NEDD9: variants seen among roughly 807,000 people sequenced by gnomAD.
The protein encoded by NEDD9 is neural precursor cell expressed, developmentally down-regulated 9, also known as enhancer of filamentation 1.
NEDD9 carries 26 observed loss-of-function variants against 76.6 expected under a neutral mutation model. The ratio of observed to expected loss-of-function variants is 0.34; its 90% confidence interval spans 0.25 to 0.47. The LOEUF (loss-of-function observed/expected upper bound fraction) is 0.47, where lower values mean the gene tolerates loss of function less well. NEDD9 is among the 20% of genes least tolerant of loss of function. The probability of loss-of-function intolerance (pLI) is 1.00; values close to 1 mark genes in which losing one functional copy is unlikely to be tolerated. For missense variants in NEDD9, 937 were observed against 1,058.5 expected (o/e 0.89, Z 1.59); for synonymous variants, 392 against 414.2 (o/e 0.95, Z 0.65).
intron 2 of NEDD9, among the ~76,000 whole-genome samples, chr6:11,314,323 G>A (rs1761475892): frequency 6.6e-6 from 1 of 152,156 alleles, no homozygotes; most frequent in Admixed American, 6.5e-5. Context: ...TGAGGACGTA[G>A]GATGAAGAAG....
chr6:11,314,160 G>A (rs2113448363), intron 2 of NEDD9, among the ~76,000 whole-genome samples: 1 of 152,292 alleles, frequency 6.6e-6, no homozygotes, highest in East Asian at 1.9e-4. Flanking sequence ...TTAGAAGTAT[G>A]CTCACTGTCC....
chr6:11,335,551 G>A (rs1041511447), intron 1 of NEDD9, among the ~76,000 whole-genome samples: 1 of 152,172 alleles, frequency 6.6e-6, no homozygotes, highest in African/African-American at 2.4e-5. Flanking sequence ...GGGCTACAAA[G>A]TTTTGCCTCA....
intron 1 of NEDD9, among the ~76,000 whole-genome samples, chr6:11,228,181 G>A (rs72827148): frequency 0.018 from 2,707 of 152,104 alleles, 33 homozygotes; most frequent in South Asian, 0.042. Flanking sequence ...CTGAAAAGAA[G>A]AAGAAGAAGA....
chr6:11,232,441 A>T (rs933262902), intron 1 of NEDD9, 63 bp downstream of exon 1: 8 of 1,603,574 alleles, frequency 5.0e-6, no homozygotes, highest in Non-Finnish European at 6.8e-6. Flanking sequence ...ACGCATACAC[A>T]AGCACACACC....
intron 3 of NEDD9, among the ~76,000 whole-genome samples, chr6:11,292,258 A>G (rs1233193338): frequency 6.6e-6 from 1 of 152,196 alleles, no homozygotes; most frequent in Admixed American, 6.5e-5. Flanking sequence ...AATCAAGAAA[A>G]GCGTCTGGTA....
At chr6:11,371,099 C>G (rs544321449) in intron 1 of NEDD9, among the ~76,000 whole-genome samples, 1 of 152,004 alleles carries the variant, frequency 6.6e-6, no homozygotes, top group African/African-American at 2.4e-5. Flanking sequence ...CCACTTAGCT[C>G]CTTTTAAAAA....
At chr6:11,207,728 G>A (rs1758653280) in intron 2 of NEDD9, among the ~76,000 whole-genome samples, 1 of 152,212 alleles carries the variant, frequency 6.6e-6, no homozygotes, top group South Asian at 2.1e-4. Flanking sequence ...GGACCATAGG[G>A]AAGGGAGAAA....
Position 11,319,658 on chromosome 6 carries a change from ACACT to A in NEDD9, c.-152-13507_-152-13504del, listed in dbSNP as rs201015052. On this transcript the variant is annotated intron_variant, in intron 2 of 3. Transcript: ENST00000397378. ...TAACATGCACACTCACACATGCCAC[ACACT>A]AACATGCACACATACACAAACATGG... is the stretch of plus-strand genomic sequence containing the variant. Among the ~76,000 whole-genome samples, 1,077 of 148,676 alleles carry A rather than the reference ACACT, an allele frequency of 7.2e-3. 9 individuals carry two copies. Among genetic ancestry groups the A allele is most frequent in the East Asian group, 0.055 (273 of 5,002 alleles).
chr6:11,252,924 C>A lies in NEDD9; in HGVS notation c.13-39197G>T, dbSNP rs897552655. 6.6e-6 allele frequency among the ~76,000 whole-genome samples: 1 copy of A among 151,960 alleles called. No individual in the cohort carries two copies. The highest frequency in any genetic ancestry group is 6.6e-5 in the Admixed American group (1 of 15,260). On this transcript the variant is annotated intron_variant, in intron 3 of 3. Coordinates refer to the NEDD9 transcript ENST00000397378. The surrounding 1 kb of genome is among the most constrained non-coding windows in gnomAD (Gnocchi z 4.3). ...TTCTCCTAAACTTCAAACAAGAAAT[C>A]ATTCTTTTGGGAAAATTGGGCTTGT...
intron 1 of NEDD9, among the ~76,000 whole-genome samples, chr6:11,224,175 G>A (rs529597325): frequency 8.5e-5 from 13 of 152,280 alleles, no homozygotes; most frequent in Admixed American, 2.0e-4. Context: ...TTCGGATTTG[G>A]GAGAAAAAGA....
Position 11,336,278 on chromosome 6 carries a change from A to G in NEDD9, c.-213-1717T>C, listed in dbSNP as rs956648125. Among the ~76,000 whole-genome samples the G allele has an allele frequency of 9.2e-5, 14 of 152,362 alleles. No individual in the cohort carries two copies. The South Asian group carries it at 1.0e-3, about 11-fold the overall frequency. ...GATGGGGACGTGTTCTGAGAAATGC[A>G]TTGTTAGATGATTTTGTAATTGTAC... is the stretch of plus-strand genomic sequence containing the variant. On this transcript the variant is annotated intron_variant, in intron 1 of 3. Transcript: ENST00000397378.
rs376501953 is a variant in NEDD9, at chr6:11,190,793, C to T, written c.1076G>A (p.Arg359Gln). 5.5e-5 allele frequency: 89 copies of T among 1,614,016 alleles called. No individual in the cohort carries two copies. In the African/African-American group the frequency reaches 8.1e-4, roughly 15 times the overall value. Reference protein sequence around the residue: ...LHNPPDAKGSRDLVDGINRLS... With the variant: ...LHNPPDAKGSQDLVDGINRLS... Reference sequence around the variant, plus strand: ...TCGGTTGATCCCATCCACCAAGTCCCGAGAGCCTTTAGCATCTGGCGGGTT... The same window carrying T: ...TCGGTTGATCCCATCCACCAAGTCCTGAGAGCCTTTAGCATCTGGCGGGTT... The change falls in exon 5 of 7, where the codon CGG becomes CAG. Residue 359 changes from arginine (R) to glutamine (Q), a missense_variant. Coordinates refer to ENST00000379446, the MANE Select transcript of NEDD9 (RefSeq NM_006403.4). The surrounding 1 kb of genome is among the most constrained non-coding windows in gnomAD (Gnocchi z 5.8).
chr6:11,299,163 G>A (rs1760976974), intron 3 of NEDD9, among the ~76,000 whole-genome samples: 1 of 151,180 alleles, frequency 6.6e-6, no homozygotes, highest in African/African-American at 2.4e-5. Flanking sequence ...CACAGTCTTA[G>A]CAACCAGCAG....
chr6:11,212,709 C>T (rs915852232), intron 2 of NEDD9, among the ~76,000 whole-genome samples: 1 of 152,170 alleles, frequency 6.6e-6, no homozygotes, highest in African/African-American at 2.4e-5. Flanking sequence ...GGCTTCATTC[C>T]AATTCCACTA....
intron 3 of NEDD9, among the ~76,000 whole-genome samples, chr6:11,300,020 T>A (rs1761001948): frequency 6.6e-6 from 1 of 152,216 alleles, no homozygotes; most frequent in African/African-American, 2.4e-5. Flanking sequence ...TTTGATGAGT[T>A]GACAGAAGTT....
chr6:11,340,157 T>G (rs1281978652), intron 1 of NEDD9, among the ~76,000 whole-genome samples: 3 of 152,214 alleles, frequency 2.0e-5, no homozygotes, highest in African/African-American at 7.2e-5. Flanking sequence ...GAATAACGCC[T>G]CAGCCTTCCC....
intron 3 of NEDD9, among the ~76,000 whole-genome samples, chr6:11,283,396 A>AGGGT (rs1425169636): frequency 1.3e-5 from 2 of 152,148 alleles, no homozygotes; most frequent in Non-Finnish European, 2.9e-5. Flanking sequence ...CCATGGTGAG[A>AGGGT]GGGTGGTCAG....
intron 1 of NEDD9, among the ~76,000 whole-genome samples, chr6:11,230,771 G>T (rs1003653233): frequency 1.3e-5 from 2 of 152,180 alleles, no homozygotes; most frequent in Non-Finnish European, 2.9e-5. Context: ...CACCAGTAAG[G>T]CCCAGTGGAG....
chr6:11,317,441 G>T (rs979098837), intron 2 of NEDD9, among the ~76,000 whole-genome samples: 1 of 150,280 alleles, frequency 6.7e-6, no homozygotes, highest in Non-Finnish European at 1.5e-5. Flanking sequence ...AAAAAAAAAA[G>T]ATAGATAGGA....
Sources: gnomAD v4.1 joint callset for allele counts (sites outside exome capture counted in the v4.1 genomes callset) on GRCh38, gnomAD v4.1.1 for gene constraint, Gnocchi (gnomAD v3.1) non-coding constraint, MANE v1.5 for transcripts, NCBI Gene and HGNC (gene_info 2026-07-23, HGNC 2026-07-21) for gene names.